Variants in DNAH14 observed in about 807,000 individuals in gnomAD.
The protein encoded by DNAH14 is dynein axonemal heavy chain 14.
Under a neutral mutation model 520.9 loss-of-function variants are expected in DNAH14, and 478 were observed. That is an observed-to-expected ratio of 0.92 (90% CI 0.85 to 0.99). The LOEUF (loss-of-function observed/expected upper bound fraction) is 0.99. DNAH14 is among the 50% of genes least tolerant of loss of function. The probability of loss-of-function intolerance (pLI) is 0.00; values close to 1 mark genes in which losing one functional copy is unlikely to be tolerated. For synonymous variants in DNAH14, 1,581 were observed against 1,757.2 expected (o/e 0.90, Z 2.51); for missense variants, 4,831 against 5,234.5 (o/e 0.92, Z 2.38).
intron 41 of DNAH14, among the ~76,000 whole-genome samples, chr1:225,228,505 C>G (rs1454145949): frequency 6.6e-6 from 1 of 152,132 alleles, no homozygotes; most frequent in African/African-American, 2.4e-5. Context: ...GCAACTTAAA[C>G]TAAAATTCTA....
intron 17 of DNAH14, among the ~76,000 whole-genome samples, chr1:225,059,424 G>T (rs971587236): frequency 3.9e-5 from 6 of 152,102 alleles, no homozygotes; most frequent in African/African-American, 1.4e-4. Context: ...GTGTGTCTCT[G>T]CACATGAGAT....
At chr1:225,251,245 C>A (rs1336492143) in intron 43 of DNAH14, among the ~76,000 whole-genome samples, 1 of 151,684 alleles carries the variant, frequency 6.6e-6, no homozygotes, top group African/African-American at 2.4e-5. Flanking sequence ...GTGATCTCAG[C>A]TCACTGCAGC....
At chr1:225,297,368 T>G (rs749437136) in intron 55 of DNAH14, among the ~76,000 whole-genome samples, 10 of 152,176 alleles carry the variant, frequency 6.6e-5, no homozygotes, top group African/African-American at 9.6e-5. Context: ...TGTATATTTC[T>G]GTATGATTGC....
chr1:225,379,715 G>C (rs983052931), intron 79 of DNAH14, among the ~76,000 whole-genome samples: 3 of 152,070 alleles, frequency 2.0e-5, no homozygotes, highest in Non-Finnish European at 4.4e-5. Flanking sequence ...AGTAGAGACA[G>C]GGTTTTACCA....
At chr1:224,940,881 G>A (rs1346357673) in intron 1 of DNAH14, among the ~76,000 whole-genome samples, 2 of 152,124 alleles carry the variant, frequency 1.3e-5, no homozygotes. Context: ...GTATTCCATG[G>A]TGTATATGTG....
intron 27 of DNAH14, among the ~76,000 whole-genome samples, chr1:225,125,918 G>T (rs75511104): frequency 0.037 from 5,604 of 152,244 alleles, 130 homozygotes; most frequent in South Asian, 0.088. Flanking sequence ...AGAGACCATT[G>T]TAAGGTTATT....
intron 17 of DNAH14, among the ~76,000 whole-genome samples, chr1:225,076,579 A>C (rs1233127393): frequency 1.3e-5 from 2 of 152,158 alleles, no homozygotes; most frequent in African/African-American, 2.4e-5. Flanking sequence ...GCACTTAAAC[A>C]GTTCTTGACC....
At chr1:224,996,789 C>A (rs2063420450) in intron 8 of DNAH14, among the ~76,000 whole-genome samples, 2 of 152,162 alleles carry the variant, frequency 1.3e-5, no homozygotes, top group Admixed American at 1.3e-4. Context: ...TGGAGGGGAC[C>A]AGCTGATATG....
chr1:225,338,691 A>T (rs1236833610), intron 68 of DNAH14, among the ~76,000 whole-genome samples: 5 of 152,216 alleles, frequency 3.3e-5, no homozygotes, highest in African/African-American at 1.2e-4. Context: ...GCACTGTTAC[A>T]TAGATTTGAT....
At chr1:225,387,599 T>C (rs2095856944) in intron 81 of DNAH14, among the ~76,000 whole-genome samples, 1 of 151,446 alleles carries the variant, frequency 6.6e-6, no homozygotes, top group Admixed American at 6.6e-5. Context: ...TAAAAACAAG[T>C]AGTTGGAGAA....
intron 74 of DNAH14, among the ~76,000 whole-genome samples, chr1:225,359,646 T>G (rs563958221): frequency 2.0e-5 from 3 of 152,186 alleles, no homozygotes; most frequent in Non-Finnish European, 4.4e-5. Flanking sequence ...AATGTTTCCA[T>G]GCAAAGCACT....
At chr1:225,360,606 A>T in intron 74 of DNAH14, 75 bp from the exon 75 acceptor site, 3 of 1,313,924 alleles carry the variant, frequency 2.3e-6, no homozygotes, top group South Asian at 2.7e-5. Flanking sequence ...CTACTCAATA[A>T]ATGCTGGATT....
chr1:225,027,244 C>T (rs2066185806), intron 11 of DNAH14, among the ~76,000 whole-genome samples: 1 of 152,002 alleles, frequency 6.6e-6, no homozygotes, highest in Non-Finnish European at 1.5e-5. Flanking sequence ...CCTTTTATTT[C>T]TTTTTATTGC....
intron 9 of DNAH14, among the ~76,000 whole-genome samples, chr1:225,005,960 G>C (rs950285160): frequency 5.9e-5 from 9 of 152,096 alleles, no homozygotes; most frequent in Admixed American, 3.9e-4. Context: ...TCTTTATGCT[G>C]TGTTGTGGGA....
chr1:225,378,844 C>T (rs12073468), intron 79 of DNAH14, among the ~76,000 whole-genome samples: 47,983 of 148,234 alleles, frequency 0.32, 9,965 homozygotes, highest in African/African-American at 0.59. Context: ...AGCAACACTG[C>T]ACTCCAGCTG....
chr1:225,196,431 G>T (rs1460867540), intron 38 of DNAH14, among the ~76,000 whole-genome samples: 2 of 152,110 alleles, frequency 1.3e-5, no homozygotes, highest in Non-Finnish European at 2.9e-5. Flanking sequence ...TGGGCATTTG[G>T]GTTGGTTTCA....
chr1:225,374,265 TA>T (rs1390521803), intron 77 of DNAH14, among the ~76,000 whole-genome samples: 6,066 of 87,176 alleles, frequency 0.07, 340 homozygotes, highest in South Asian at 0.12. Context: ...TATATATATA[TA>T]TATATTTTTT....
intron 36 of DNAH14, among the ~76,000 whole-genome samples, chr1:225,170,908 T>C (rs539957178): frequency 2.3e-4 from 35 of 152,248 alleles, no homozygotes; most frequent in Admixed American, 2.1e-3. Flanking sequence ...ACAGAAATTA[T>C]AACAAACTGT....
intron 1 of DNAH14, among the ~76,000 whole-genome samples, chr1:224,939,998 ACT>A (rs750957997): frequency 2.0e-5 from 3 of 151,778 alleles, no homozygotes; most frequent in African/African-American, 7.3e-5. Flanking sequence ...ACAACAATTT[ACT>A]CTCTCTTGAT....
Sources: gnomAD v4.1 joint callset for allele counts (sites outside exome capture counted in the v4.1 genomes callset) on GRCh38, gnomAD v4.1.1 for gene constraint, MANE v1.5 for transcripts, NCBI Gene and HGNC (gene_info 2026-07-23, HGNC 2026-07-21) for gene names.